Variants in GPC6 observed in about 807,000 individuals in gnomAD.
GPC6 encodes the protein glypican-6.
A neutral mutation model predicts 55.2 loss-of-function variants in GPC6; 14 were observed. The observed-to-expected ratio is 0.25, with a 90% CI of 0.17 to 0.40. GPC6 has a LOEUF of 0.40. Ranked by LOEUF, GPC6 falls within the 10% of genes least tolerant of loss-of-function variation. The pLI is 1.00. For missense variants in GPC6, 641 were observed against 708.5 expected, an observed-to-expected ratio of 0.90 and a Z score of 1.08; for synonymous variants, 278 against 259.6, an observed-to-expected ratio of 1.07 and a Z score of -0.68.
At chr13:93,559,686 T>G (rs1263596516) in intron 2 of GPC6, among the ~76,000 whole-genome samples, 1 of 152,224 alleles carries the variant, frequency 6.6e-6, no homozygotes, top group East Asian at 1.9e-4. Context: ...CTATTGATTG[T>G]TCATAGTTGC....
chr13:94,177,726 A>T (rs1888832535), intron 4 of GPC6, among the ~76,000 whole-genome samples: 1 of 152,114 alleles, frequency 6.6e-6, no homozygotes, highest in Non-Finnish European at 1.5e-5. Context: ...ATGTTTTAAC[A>T]TAGCATTTTT....
chr13:93,843,085 T>C (rs1888013629), intron 3 of GPC6, among the ~76,000 whole-genome samples: 1 of 151,900 alleles, frequency 6.6e-6, no homozygotes, highest in African/African-American at 2.4e-5. Context: ...ACTTCTTTTT[T>C]TTTTTTTTTA....
chr13:94,068,256 C>A (rs945496406), intron 4 of GPC6, among the ~76,000 whole-genome samples: 13 of 151,492 alleles, frequency 8.6e-5, no homozygotes, highest in African/African-American at 3.1e-4. Context: ...TAGGGAAACT[C>A]CAGTTTTTAA....
chr13:93,791,879 A>T (rs536490270), intron 2 of GPC6, among the ~76,000 whole-genome samples: 144 of 152,258 alleles, frequency 9.5e-4, no homozygotes, highest in Non-Finnish European at 1.9e-3. Flanking sequence ...TGAATCTGTT[A>T]GCATCGCTGT....
At chr13:93,937,659 A>G (rs1477641410) in intron 3 of GPC6, among the ~76,000 whole-genome samples, 3 of 152,056 alleles carry the variant, frequency 2.0e-5, no homozygotes, top group East Asian at 3.9e-4. Context: ...GCTCACTGCA[A>G]CCTCTGCCTC....
At chr13:94,391,562 A>G (rs533245175) in intron 7 of GPC6, among the ~76,000 whole-genome samples, 5 of 152,376 alleles carry the variant, frequency 3.3e-5, no homozygotes, top group African/African-American at 1.2e-4. Context: ...CATCCAAGAA[A>G]AATGGAAAGG....
chr13:94,186,469 AT>A (rs1020195975), intron 4 of GPC6, among the ~76,000 whole-genome samples: 28 of 152,152 alleles, frequency 1.8e-4, no homozygotes, highest in African/African-American at 6.0e-4. Flanking sequence ...AAAGTACTTA[AT>A]TTTTTTTCTA....
chr13:93,520,306 C>T (rs1881365942), intron 1 of GPC6, among the ~76,000 whole-genome samples: 1 of 151,914 alleles, frequency 6.6e-6, no homozygotes, highest in Non-Finnish European at 1.5e-5. Context: ...TGGTTGACTA[C>T]AAATTTTACT....
intron 1 of GPC6, among the ~76,000 whole-genome samples, chr13:93,367,371 T>A (rs1405381248): frequency 6.6e-6 from 1 of 152,120 alleles, no homozygotes; most frequent in Non-Finnish European, 1.5e-5. Flanking sequence ...TAGAGGTTTG[T>A]CTGTTTTATT....
intron 2 of GPC6, among the ~76,000 whole-genome samples, chr13:93,663,651 T>A (rs911469947): frequency 1.3e-5 from 2 of 152,166 alleles, no homozygotes; most frequent in Admixed American, 6.5e-5. Context: ...TCTTTTGAAG[T>A]GATGAAAACA....
chr13:93,434,843 A>C (rs770904348), intron 1 of GPC6, among the ~76,000 whole-genome samples: 2 of 152,100 alleles, frequency 1.3e-5, no homozygotes, highest in Non-Finnish European at 2.9e-5. Flanking sequence ...AGTAGCTGGA[A>C]TTGCAGGGGT....
intron 3 of GPC6, among the ~76,000 whole-genome samples, chr13:93,931,094 T>A (rs2140354592): frequency 6.6e-6 from 1 of 152,246 alleles, no homozygotes; most frequent in South Asian, 2.1e-4. Context: ...GCTCCAGCGA[T>A]CCAGTCACCT....
At chr13:94,116,209 A>T (rs141922800) in intron 4 of GPC6, among the ~76,000 whole-genome samples, 71 of 152,196 alleles carry the variant, frequency 4.7e-4, no homozygotes, top group African/African-American at 1.5e-3. Flanking sequence ...AACTTCATGT[A>T]TCTTAACTCC....
At chr13:93,455,257 G>A (rs12872174) in intron 1 of GPC6, among the ~76,000 whole-genome samples, 7,686 of 152,276 alleles carry the variant, frequency 0.05, 285 homozygotes, top group Non-Finnish European at 0.076. Flanking sequence ...GGGCTGAAGG[G>A]CTCCTCAAGT....
At position 93,815,487 on chromosome 13, in the gene GPC6, A is replaced by G. The variant is rs555070150; in HGVS notation, c.320-14667A>G. Reference sequence around the variant, plus strand: ...TACATTCAACCCTGTACAATTTCAAATAGGTACTGGCAGTCACTAATTGAT... The same window carrying G: ...TACATTCAACCCTGTACAATTTCAAGTAGGTACTGGCAGTCACTAATTGAT... On this transcript the variant is annotated intron_variant, in intron 2 of 8. Transcript: ENST00000377047. Among the ~76,000 whole-genome samples, 5 of 152,284 alleles carry G rather than the reference A, an allele frequency of 3.3e-5. No individual in the cohort carries two copies. The East Asian group carries it at 9.7e-4, about 29-fold the overall frequency.
intron 4 of GPC6, among the ~76,000 whole-genome samples, chr13:94,226,530 A>G (rs936882007): frequency 6.6e-6 from 1 of 152,178 alleles, no homozygotes; most frequent in Non-Finnish European, 1.5e-5. Context: ...AAAACATTAC[A>G]CTGTACCCCA....
chr13:94,115,027 A>C (rs530648733), intron 4 of GPC6, among the ~76,000 whole-genome samples: 1 of 152,162 alleles, frequency 6.6e-6, no homozygotes, highest in Admixed American at 6.6e-5. Flanking sequence ...AAATGGTTAA[A>C]TGTGTGATAA....
At chr13:93,461,982 C>G (rs1878709612) in intron 1 of GPC6, among the ~76,000 whole-genome samples, 1 of 152,114 alleles carries the variant, frequency 6.6e-6, no homozygotes, top group South Asian at 2.1e-4. Context: ...ATACATCAAG[C>G]ATTTTATATC....
chr13:93,648,855 C>T (rs1166852648), intron 2 of GPC6, among the ~76,000 whole-genome samples: 1 of 152,094 alleles, frequency 6.6e-6, no homozygotes, highest in African/African-American at 2.4e-5. Flanking sequence ...ATTTTTTCTT[C>T]CCAAGGTCTC....
Sources: allele counts gnomAD v4.1 joint callset (sites outside exome capture counted in the v4.1 genomes callset), GRCh38; gene constraint gnomAD v4.1.1; transcripts MANE v1.5; gene names NCBI Gene and HGNC (gene_info 2026-07-23, HGNC 2026-07-21).